Variants in NPLOC4 observed in about 807,000 individuals in gnomAD.
NPLOC4 encodes nuclear protein localization protein 4 homolog.
A neutral mutation model predicts 80.6 loss-of-function variants in NPLOC4; 18 were observed. That is an observed-to-expected ratio of 0.22 (90% CI 0.15 to 0.33). NPLOC4 has a LOEUF of 0.33. NPLOC4 is among the 10% of genes least tolerant of loss of function. NPLOC4 has a pLI of 1.00. For synonymous variants in NPLOC4, 313 were observed against 301.5 expected, an observed-to-expected ratio of 1.04 and a Z score of -0.39; for missense variants, 540 against 786.1, an observed-to-expected ratio of 0.69 and a Z score of 3.74.
chr17:81,560,990 T>G (rs2033833472), intron 16 of NPLOC4: 1 of 152,146 alleles, frequency 6.6e-6, no homozygotes, highest in Non-Finnish European at 1.5e-5. Flanking sequence ...TCCTTTTTTT[T>G]GTTGTTGCCG....
At chr17:81,575,287 G>C (rs1231862037) in intron 12 of NPLOC4, among the ~76,000 whole-genome samples, 2 of 152,080 alleles carry the variant, frequency 1.3e-5, no homozygotes, top group Non-Finnish European at 2.9e-5. Context: ...TTTTTTAGTA[G>C]AGACGGGGTT....
At chr17:81,625,957 T>C (rs1278078714) in intron 2 of NPLOC4, among the ~76,000 whole-genome samples, 1 of 151,944 alleles carries the variant, frequency 6.6e-6, no homozygotes, top group Non-Finnish European at 1.5e-5. Context: ...GAGACCAGCC[T>C]GGCCAACATG....
chr17:81,605,543 G>C (rs766508463), intron 7 of NPLOC4, among the ~76,000 whole-genome samples: 1 of 151,614 alleles, frequency 6.6e-6, no homozygotes, highest in Non-Finnish European at 1.5e-5. Flanking sequence ...AGCTACTCCG[G>C]AGGCTGAGGC....
At chr17:81,574,876 AACACACAC>A (rs71166157) in intron 12 of NPLOC4, among the ~76,000 whole-genome samples, 2 of 149,030 alleles carry the variant, frequency 1.3e-5, no homozygotes, top group Non-Finnish European at 3.0e-5. Context: ...CAAACAAACA[AACACACAC>A]ACACACACAC....
In NPLOC4 at chr17:81,595,534, A is replaced by ATT. The variant is rs113450373; in HGVS notation, c.1120+580_1120+581dup. The stretch of plus-strand genomic sequence containing the variant: ...TATATACATATACATATATATATAT[A>ATT]TTTTTTTTTTCTTTTCTTTTCTTTT... On this transcript the variant is annotated intron_variant, in intron 11 of 16. Transcript: ENST00000331134. Among the ~76,000 whole-genome samples, 714 of 139,670 alleles carry ATT rather than the reference A, an allele frequency of 5.1e-3. 13 individuals are homozygous for ATT. Among genetic ancestry groups the ATT allele is most frequent in the African/African-American group, 0.018 (670 of 37,670 alleles). The allele number at this position is 139,670 out of a possible 152,430, so 91.6% of individuals were successfully genotyped here.
chr17:81,590,423 A>C (rs754045587), intron 11 of NPLOC4, among the ~76,000 whole-genome samples: 1 of 152,232 alleles, frequency 6.6e-6, no homozygotes, highest in Non-Finnish European at 1.5e-5. Context: ...CCTTTGGAGG[A>C]GGCAGGCATG....
At chr17:81,618,365 G>A (rs1374841811) in intron 3 of NPLOC4, among the ~76,000 whole-genome samples, 1 of 151,440 alleles carries the variant, frequency 6.6e-6, no homozygotes, top group East Asian at 1.9e-4. Flanking sequence ...TCTGGGAGGT[G>A]AGGAGCGTCT....
At chr17:81,611,775 C>T (rs1305954625) in intron 4 of NPLOC4, among the ~76,000 whole-genome samples, 2 of 151,266 alleles carry the variant, frequency 1.3e-5, no homozygotes, top group East Asian at 2.0e-4. Flanking sequence ...CTGGCAAACA[C>T]GGTGAAACCC....
rs776133677 is a variant in NPLOC4, at chr17:81,600,309, G to A, written c.921+32C>T. 1.0e-5 allele frequency: 16 copies of A among 1,543,892 alleles called. No homozygotes were observed. The Middle Eastern group carries it at 7.7e-4, about 75-fold the overall frequency. ...TGGATGCCCAACAGAGCCTGGCCAC[G>A]CCCCCTGCTTGGCTGCCGGATGCCT... On this transcript the variant is annotated intron_variant, in intron 9 of 16. Coordinates refer to ENST00000331134, the MANE Select transcript of NPLOC4 (RefSeq NM_017921.4).
chr17:81,568,539 C>T (rs1036767414), intron 14 of NPLOC4, among the ~76,000 whole-genome samples: 14 of 152,134 alleles, frequency 9.2e-5, no homozygotes, highest in Non-Finnish European at 1.6e-4. Context: ...AGTATGCAGG[C>T]GTGACAGCAA....
rs2034177721 is a variant in NPLOC4, at chr17:81,572,165, C to G, written c.1282-77G>C. 1 of 706,496 alleles carries G rather than the reference C, an allele frequency of 1.4e-6. No homozygotes were observed. Among genetic ancestry groups the G allele is most frequent in the Admixed American group, 3.5e-5 (1 of 28,672 alleles). 43.8% of individuals were successfully genotyped at this position (706,496 alleles called of 1,614,324 possible). ...ATTTTCCTTTCACATGCTTGTCTCA[C>G]CTTTTATTTAATTAATTAATTTATT... On this transcript the variant is annotated intron_variant, in intron 12 of 16. Coordinates refer to ENST00000331134, the MANE Select transcript of NPLOC4 (RefSeq NM_017921.4). The surrounding 1 kb of genome is among the most constrained non-coding windows in gnomAD (Gnocchi z 4.5).
In NPLOC4 at chr17:81,567,623, A is replaced by G; in HGVS notation, c.1450-90T>C. The G allele has an allele frequency of 1.4e-6, 1 of 735,912 alleles. No homozygotes were observed. Among genetic ancestry groups the G allele is most frequent in the South Asian group, 1.6e-5 (1 of 60,810 alleles). The allele number at this position is 735,912 out of a possible 1,614,324, so 45.6% of individuals were successfully genotyped here. Reference sequence around the variant, plus strand: ...GCTGTTTCCTACTAAGACGCAACTCAATACACTGAATGCTGAGACACCTCT... The same window carrying G: ...GCTGTTTCCTACTAAGACGCAACTCGATACACTGAATGCTGAGACACCTCT... On this transcript the variant is annotated intron_variant, in intron 14 of 16. Transcript: ENST00000331134. The surrounding 1 kb of genome is among the most constrained non-coding windows in gnomAD (Gnocchi z 4.5).
At chr17:81,571,468 G>A (rs1222400182) in intron 13 of NPLOC4, among the ~76,000 whole-genome samples, 1 of 152,216 alleles carries the variant, frequency 6.6e-6, no homozygotes, top group Non-Finnish European at 1.5e-5. Flanking sequence ...GTTCCACCCA[G>A]TAAACCACGC....
chr17:81,577,938 C>T lies in NPLOC4; in HGVS notation c.1282-5850G>A, dbSNP rs1215611773. Among the ~76,000 whole-genome samples the T allele has an allele frequency of 1.3e-5, 2 of 152,236 alleles. No homozygotes were observed. Among genetic ancestry groups the T allele is most frequent in the African/African-American group, 2.4e-5 (1 of 41,456 alleles). On this transcript the variant is annotated intron_variant, in intron 12 of 16. Coordinates refer to ENST00000331134, the MANE Select transcript of NPLOC4 (RefSeq NM_017921.4). The surrounding 1 kb of genome is among the most constrained non-coding windows in gnomAD (Gnocchi z 4.3). ...CCCCAACTCCAAACCGTTCCCCACA[C>T]TGCAGCCCAGGATGGGTCTTCTACA...
chr17:81,612,156 A>G (rs1329891079), intron 4 of NPLOC4, among the ~76,000 whole-genome samples: 2 of 152,218 alleles, frequency 1.3e-5, no homozygotes, highest in East Asian at 3.9e-4. Flanking sequence ...AAGCCTTGGG[A>G]GCACAACACG....
At chr17:81,635,438 G>C (rs2036041746) in intron 1 of NPLOC4, among the ~76,000 whole-genome samples, 1 of 151,900 alleles carries the variant, frequency 6.6e-6, no homozygotes, top group Non-Finnish European at 1.5e-5. Flanking sequence ...TCCAGGTTGG[G>C]AAACATGGAG....
Position 81,627,389 on chromosome 17 carries a change from CA to C in NPLOC4, c.96+2335del, listed in dbSNP as rs532509354. On this transcript the variant is annotated intron_variant, in intron 2 of 16. Coordinates refer to ENST00000331134, the MANE Select transcript of NPLOC4 (RefSeq NM_017921.4). ...CCTGGGCAACAGAAAGACTCCGTCT[CA>C]AAAAAAAAAAAAAATTGATGCATGG... 3.8e-3 allele frequency among the ~76,000 whole-genome samples: 467 copies of C among 124,270 alleles called. 1 individual carries two copies. The highest frequency in any genetic ancestry group is 9.3e-3 in the African/African-American group (304 of 32,682). 81.5% of individuals were successfully genotyped at this position (124,270 alleles called of 152,430 possible). A position where few individuals can be genotyped will look rare whatever the true frequency, so the allele number is the denominator to read the frequency against.
intron 8 of NPLOC4, among the ~76,000 whole-genome samples, chr17:81,602,528 C>G (rs1048827297): frequency 6.6e-6 from 1 of 151,856 alleles, no homozygotes; most frequent in Non-Finnish European, 1.5e-5. Context: ...CATGGTGAAA[C>G]CCTGTCTCTA....
Position 81,572,159 on chromosome 17 carries a change from G to A in NPLOC4, c.1282-71C>T. 1.3e-6 allele frequency: 1 copy of A among 772,702 alleles called. No individual in the cohort carries two copies. The highest frequency in any genetic ancestry group is 3.1e-5 in the East Asian group (1 of 32,662). 47.9% of individuals were successfully genotyped at this position (772,702 alleles called of 1,614,324 possible). On this transcript the variant is annotated intron_variant, in intron 12 of 16. Transcript: ENST00000331134. This position sits in a 1 kb window ranked among gnomAD's most constrained non-coding sequence, Gnocchi z 4.5. ...GTAATGATTTTCCTTTCACATGCTT[G>A]TCTCACCTTTTATTTAATTAATTAA...
Sources: allele counts gnomAD v4.1 joint callset (sites outside exome capture counted in the v4.1 genomes callset), GRCh38; gene constraint gnomAD v4.1.1; non-coding constraint Gnocchi (gnomAD v3.1); transcripts MANE v1.5; gene names NCBI Gene and HGNC (gene_info 2026-07-23, HGNC 2026-07-21).